The following DGKB variants were observed in gnomAD, a reference collection of about 807,000 sequenced individuals.
DGKB encodes diacylglycerol kinase beta, also known as 90 kDa diacylglycerol kinase.
A neutral mutation model predicts 114.3 loss-of-function variants in DGKB; 67 were observed. The ratio of observed to expected loss-of-function variants is 0.59; its 90% confidence interval spans 0.48 to 0.72. The LOEUF is 0.72. Ranked by LOEUF, DGKB falls within the 30% of genes least tolerant of loss-of-function variation. DGKB has a pLI of 0.00. For synonymous variants in DGKB, 398 were observed against 323.1 expected, an observed-to-expected ratio of 1.23 and a Z score of -2.49; for missense variants, 907 against 975.2, an observed-to-expected ratio of 0.93 and a Z score of 0.93.
intron 5 of DGKB, among the ~76,000 whole-genome samples, chr7:14,728,244 C>A (rs1033839166): frequency 2.6e-5 from 4 of 152,136 alleles, no homozygotes; most frequent in Non-Finnish European, 5.9e-5. Flanking sequence ...TCTTCTGGAC[C>A]CTTTTATACC....
chr7:14,436,719 G>C (rs1031600129), intron 21 of DGKB, among the ~76,000 whole-genome samples: 1 of 152,024 alleles, frequency 6.6e-6, no homozygotes, highest in African/African-American at 2.4e-5. Context: ...TGGTTCATTT[G>C]CAAGAGGTAC....
In DGKB at chr7:14,929,353, T is replaced by C. The variant is rs559433325; in HGVS notation, c.-188+45343A>G. Among the ~76,000 whole-genome samples the C allele has an allele frequency of 3.3e-5, 5 of 152,208 alleles. No individual in the cohort carries two copies. The East Asian group carries it at 9.7e-4, about 29-fold the overall frequency. ...TACTAAAGTACTTTCCCATCAACAG[T>C]GTATAAATGTTCCATTATCTCCGCA... On this transcript the variant is annotated intron_variant, in intron 1 of 4. Transcript: ENST00000437998.
intron 1 of DGKB, among the ~76,000 whole-genome samples, chr7:14,897,788 A>G (rs1782349227): frequency 6.6e-6 from 1 of 152,016 alleles, no homozygotes; most frequent in African/African-American, 2.4e-5. Flanking sequence ...GCTCTCAGAC[A>G]TCATAGTTTT....
chr7:14,941,265 G>A (rs1785557204), intron 1 of DGKB, among the ~76,000 whole-genome samples: 1 of 152,142 alleles, frequency 6.6e-6, no homozygotes, highest in African/African-American at 2.4e-5. Flanking sequence ...CAGCCTATGT[G>A]ATGAAACAGG....
At chr7:14,162,206 C>T (rs10282022) in intron 25 of DGKB, among the ~76,000 whole-genome samples, 5,257 of 152,210 alleles carry the variant, frequency 0.035, 208 homozygotes, top group African/African-American at 0.094. Context: ...CAGGCCCAGA[C>T]CTTGTGAGTC....
intron 21 of DGKB, among the ~76,000 whole-genome samples, chr7:14,348,873 T>C (rs1342749329): frequency 6.6e-6 from 1 of 151,164 alleles, no homozygotes; most frequent in Non-Finnish European, 1.5e-5. Context: ...CCTTTGGGAG[T>C]GCTGTATGAT....
intron 23 of DGKB, among the ~76,000 whole-genome samples, chr7:14,274,211 T>G (rs1231373407): frequency 6.6e-6 from 1 of 152,206 alleles, no homozygotes; most frequent in African/African-American, 2.4e-5. Flanking sequence ...GATCCACATG[T>G]TCCTCTGCTC....
chr7:14,953,708 A>C, intron 1 of DGKB, among the ~76,000 whole-genome samples: 1 of 152,128 alleles, frequency 6.6e-6, no homozygotes. Flanking sequence ...GACCCAAGAA[A>C]AATGAGAACA....
chr7:14,241,957 TACACACACAC>T (rs71033980), intron 23 of DGKB, among the ~76,000 whole-genome samples: 26 of 148,254 alleles, frequency 1.8e-4, no homozygotes, highest in African/African-American at 3.9e-4. Context: ...CACACACATA[TACACACACAC>T]ACACACACAC....
At chr7:14,409,893 C>T (rs1324425979) in intron 21 of DGKB, among the ~76,000 whole-genome samples, 4 of 152,026 alleles carry the variant, frequency 2.6e-5, no homozygotes, top group African/African-American at 9.7e-5. Flanking sequence ...TTTTCTCTAG[C>T]TTACCTTGTT....
intron 9 of DGKB, among the ~76,000 whole-genome samples, chr7:14,692,569 G>A (rs1001854301): frequency 2.0e-5 from 3 of 151,704 alleles, no homozygotes; most frequent in African/African-American, 7.3e-5. Flanking sequence ...TGATAATATA[G>A]AGCTAAATAT....
At chr7:14,749,257 T>C (rs1410639864) in intron 4 of DGKB, among the ~76,000 whole-genome samples, 1 of 152,194 alleles carries the variant, frequency 6.6e-6, no homozygotes, top group African/African-American at 2.4e-5. Context: ...TTATTTCAAA[T>C]TTCAGAGAGT....
At chr7:14,204,986 T>A (rs1250770439) in intron 23 of DGKB, among the ~76,000 whole-genome samples, 1 of 152,076 alleles carries the variant, frequency 6.6e-6, no homozygotes, top group Non-Finnish European at 1.5e-5. Flanking sequence ...CCTATGTTTT[T>A]ATCCTCTTAA....
At chr7:14,205,766 C>T (rs1004213326) in intron 23 of DGKB, among the ~76,000 whole-genome samples, 5 of 151,956 alleles carry the variant, frequency 3.3e-5, no homozygotes, top group African/African-American at 1.2e-4. Context: ...TTCTCAACTG[C>T]TTCTATGTTG....
chr7:14,836,302 C>G (rs1268546057), intron 2 of DGKB, among the ~76,000 whole-genome samples: 1 of 152,196 alleles, frequency 6.6e-6, no homozygotes, highest in Non-Finnish European at 1.5e-5. Flanking sequence ...ACAATGCCAG[C>G]TGCTATAAAC....
chr7:14,501,442 T>G (rs1786161990), intron 20 of DGKB, among the ~76,000 whole-genome samples: 4 of 151,916 alleles, frequency 2.6e-5, no homozygotes. Context: ...ATAGTTTGGC[T>G]AAAAGTGATA....
chr7:14,689,009 C>T (rs1822225689), intron 9 of DGKB, among the ~76,000 whole-genome samples: 1 of 151,750 alleles, frequency 6.6e-6, no homozygotes, highest in Non-Finnish European at 1.5e-5. Flanking sequence ...CATTGATGTC[C>T]TAACCCACAT....
intron 20 of DGKB, among the ~76,000 whole-genome samples, chr7:14,565,975 C>A (rs967707833): frequency 6.6e-6 from 1 of 152,066 alleles, no homozygotes. Context: ...TCTAGCAAAT[C>A]TGCACATTTT....
chr7:14,793,140 T>C lies in DGKB; in HGVS notation c.71-35409A>G, dbSNP rs560134929. 2.1e-4 allele frequency among the ~76,000 whole-genome samples: 32 copies of C among 152,280 alleles called. 3 individuals carry two copies. The South Asian group carries it at 6.2e-3, about 30-fold the overall frequency. ...GTAAACACAGGAGCCACAGACTTCT[T>C]AGAATGCTTAATGGGTTTAATAACA... On this transcript the variant is annotated intron_variant, in intron 2 of 25. Coordinates refer to ENST00000402815, the MANE Select transcript of DGKB (RefSeq NM_001350709.2).
Sources: gnomAD v4.1 joint callset for allele counts (sites outside exome capture counted in the v4.1 genomes callset) on GRCh38, gnomAD v4.1.1 for gene constraint, MANE v1.5 for transcripts, NCBI Gene and HGNC (gene_info 2026-07-23, HGNC 2026-07-21) for gene names.